DNAH14: variants seen among roughly 807,000 people sequenced by gnomAD.
DNAH14 encodes dynein axonemal heavy chain 14.
Under a neutral mutation model 520.9 loss-of-function variants are expected in DNAH14, and 478 were observed. The observed-to-expected ratio is 0.92, with a 90% CI of 0.85 to 0.99. The LOEUF (loss-of-function observed/expected upper bound fraction) is 0.99. Ranked by LOEUF, DNAH14 falls within the 50% of genes least tolerant of loss-of-function variation. DNAH14 has a pLI of 0.00. For synonymous variants in DNAH14, 1,581 were observed against 1,757.2 expected (o/e 0.90, Z 2.51); for missense variants, 4,831 against 5,234.5 (o/e 0.92, Z 2.38).
At chr1:225,231,045 T>A in intron 41 of DNAH14, 28 bp from the exon 42 acceptor site, 1 of 1,510,274 alleles carries the variant, frequency 6.6e-7, no homozygotes, top group Non-Finnish European at 9.0e-7. Flanking sequence ...TGTTGTTAAT[T>A]ATGGAAAAAT....
At chr1:224,942,321 A>G (rs1419868945) in intron 1 of DNAH14, among the ~76,000 whole-genome samples, 1 of 152,184 alleles carries the variant, frequency 6.6e-6, no homozygotes, top group Non-Finnish European at 1.5e-5. Context: ...TTATTGGTGT[A>G]TAAGAATGCT....
At chr1:225,155,787 A>G (rs2080975802) in intron 34 of DNAH14, among the ~76,000 whole-genome samples, 1 of 152,070 alleles carries the variant, frequency 6.6e-6, no homozygotes, top group African/African-American at 2.4e-5. Context: ...CCTAAATGTG[A>G]CAGCCCCATT....
At chr1:225,248,474 A>G (rs903152393) in intron 43 of DNAH14, among the ~76,000 whole-genome samples, 1 of 152,194 alleles carries the variant, frequency 6.6e-6, no homozygotes, top group African/African-American at 2.4e-5. Context: ...GAAATATCAG[A>G]TAACTTTAGA....
chr1:225,312,739 G>T (rs1325210312), intron 60 of DNAH14, among the ~76,000 whole-genome samples: 1 of 152,148 alleles, frequency 6.6e-6, no homozygotes, highest in Non-Finnish European at 1.5e-5. Flanking sequence ...TAATGTGATG[G>T]ATTATGTTTA....
At chr1:225,342,367 G>A (rs547245965) in intron 69 of DNAH14, among the ~76,000 whole-genome samples, 110 of 152,206 alleles carry the variant, frequency 7.2e-4, no homozygotes, top group African/African-American at 2.6e-3. Context: ...AGGTCTCACT[G>A]AATGAGCAAT....
intron 1 of DNAH14, among the ~76,000 whole-genome samples, chr1:224,938,826 A>G (rs2125378750): frequency 6.6e-6 from 1 of 152,338 alleles, no homozygotes; most frequent in South Asian, 2.1e-4. Context: ...AAAATGTGGT[A>G]TATATACAAA....
intron 60 of DNAH14, among the ~76,000 whole-genome samples, chr1:225,311,415 T>G (rs2094362255): frequency 6.6e-6 from 1 of 152,224 alleles, no homozygotes; most frequent in Non-Finnish European, 1.5e-5. Context: ...TTCACTCTGA[T>G]GATAGTTTCT....
At chr1:225,078,667 G>A (rs1191583112) in intron 17 of DNAH14, among the ~76,000 whole-genome samples, 2 of 152,192 alleles carry the variant, frequency 1.3e-5, no homozygotes, top group Admixed American at 6.5e-5. Flanking sequence ...ACTGGTGAGA[G>A]GTGATTGAAT....
At chr1:225,173,763 T>C (rs1320951058) in intron 36 of DNAH14, among the ~76,000 whole-genome samples, 2 of 152,234 alleles carry the variant, frequency 1.3e-5, no homozygotes, top group Admixed American at 1.3e-4. Flanking sequence ...TTACTGGGTA[T>C]ATACCCAAAG....
At chr1:225,089,464 A>AAAAAAAAAAAAAAAAAAAAG (rs775049047) in intron 21 of DNAH14, among the ~76,000 whole-genome samples, 40 of 138,346 alleles carry the variant, frequency 2.9e-4, no homozygotes, top group Non-Finnish European at 4.9e-4. Flanking sequence ...AAAAAAAAAA[A>AAAAAAAAAAAAAAAAAAAAG]AGAGAGCGAG....
intron 41 of DNAH14, among the ~76,000 whole-genome samples, chr1:225,230,084 C>T (rs1035195854): frequency 2.0e-5 from 3 of 151,930 alleles, no homozygotes; most frequent in Admixed American, 2.0e-4. Flanking sequence ...ATACTCTGGT[C>T]TACTATCCTT....
Position 225,346,216 on chromosome 1 carries a change from A to C in DNAH14, c.10933A>C (p.Lys3645Gln), listed in dbSNP as rs1416282484. ...HQVFVSSVVS[K>Q]SKEQEHSFKR... ...GGTTTTTGTTTCATCAGTAGTTTCCAAAAGCAAAGAACAAGAACATAGTTT... is the reference window on the plus strand; with the variant it reads ...GGTTTTTGTTTCATCAGTAGTTTCCCAAAGCAAAGAACAAGAACATAGTTT... Residue 3645 changes from lysine (K) to glutamine (Q), a missense_variant, in exon 70 of 86, where the codon AAA becomes CAA. By Grantham distance (53) the Lys-to-Gln change is moderately conservative. Transcript: ENST00000682510. The C allele has an allele frequency of 3.3e-5, 51 of 1,551,538 alleles. No individual in the cohort carries two copies. Among genetic ancestry groups the C allele is most frequent in the Non-Finnish European group, 4.3e-5 (49 of 1,146,978 alleles).
Position 225,007,475 on chromosome 1 carries a change from C to T in DNAH14, c.1038C>T (p.Thr346=). Reference sequence around the variant, plus strand: ...GTGAAGAGCAGTTACAGCAAGCTACCCAGGCATTGAAACAACTTGAGGACA... The same window carrying T: ...GTGAAGAGCAGTTACAGCAAGCTACTCAGGCATTGAAACAACTTGAGGACA... ...EFCEEQLQQA[T]QALKQLEDIR... is the part of the protein sequence containing the mutation. Residue 346 remains threonine, a synonymous_variant, in exon 10 of 86, where the codon ACC becomes ACT. Transcript: ENST00000682510. The T allele has an allele frequency of 6.5e-7, 1 of 1,540,708 alleles. No homozygotes were observed. The highest frequency in any genetic ancestry group is 2.0e-5 in the Admixed American group (1 of 50,212).
chr1:225,256,899 A>AT (rs200531087), intron 44 of DNAH14, among the ~76,000 whole-genome samples: 2 of 151,734 alleles, frequency 1.3e-5, no homozygotes, highest in Non-Finnish European at 2.9e-5. Flanking sequence ...CCCATTTGCT[A>AT]TTTTAAAAAA....
At chr1:225,051,385 A>G (rs754576346) in intron 16 of DNAH14, 66 bp from the exon 17 acceptor site, 352 of 1,170,350 alleles carry the variant, frequency 3.0e-4, no homozygotes, top group Non-Finnish European at 3.7e-4. Flanking sequence ...AACTATTAGC[A>G]TGCCAAACCA....
At chr1:224,977,689 T>C (rs989037767) in intron 8 of DNAH14, among the ~76,000 whole-genome samples, 5 of 152,142 alleles carry the variant, frequency 3.3e-5, no homozygotes, top group African/African-American at 1.2e-4. Context: ...AAAAAAAGAA[T>C]GCTGTATCTG....
At chr1:225,242,868 A>G (rs1370151077) in intron 43 of DNAH14, among the ~76,000 whole-genome samples, 2 of 152,210 alleles carry the variant, frequency 1.3e-5, no homozygotes. Flanking sequence ...TACGATGACT[A>G]TGATGTCACT....
intron 43 of DNAH14, among the ~76,000 whole-genome samples, chr1:225,249,776 G>A (rs1320237942): frequency 6.6e-6 from 1 of 152,082 alleles, no homozygotes; most frequent in Non-Finnish European, 1.5e-5. Flanking sequence ...CCAACCATCG[G>A]CAACAAATTT....
intron 37 of DNAH14, 44 bp from the exon 38 acceptor site, chr1:225,192,652 G>T (rs915477730): frequency 7.5e-7 from 1 of 1,328,082 alleles, no homozygotes; most frequent in Non-Finnish European, 1.0e-6. Flanking sequence ...TAAATAATTG[G>T]TCTATAGTTA....
Sources: allele counts gnomAD v4.1 joint callset (sites outside exome capture counted in the v4.1 genomes callset), GRCh38; gene constraint gnomAD v4.1.1; transcripts MANE v1.5; gene names NCBI Gene and HGNC (gene_info 2026-07-23, HGNC 2026-07-21).